PAOX: variants seen among roughly 807,000 people sequenced by gnomAD.
PAOX encodes the protein polyamine oxidase.
In PAOX, 38 loss-of-function variants were observed where a neutral mutation model predicts 39.0. That is an observed-to-expected ratio of 0.97 (90% CI 0.75 to 1.28). PAOX has a LOEUF of 1.28. PAOX is among the 50% of genes most tolerant of loss of function. PAOX has a pLI of 0.00. For synonymous variants in PAOX, 311 were observed against 314.4 expected, an observed-to-expected ratio of 0.99 and a Z score of 0.11; for missense variants, 667 against 685.7, an observed-to-expected ratio of 0.97 and a Z score of 0.30.
In PAOX at chr10:133,391,658, C is replaced by T. The variant is rs149449862; in HGVS notation, c.*203C>T. The T allele has an allele frequency of 2.7e-4, 208 of 777,470 alleles. No individual in the cohort carries two copies. The African/African-American group carries it at 3.0e-3, about 11-fold the overall frequency. The allele number at this position is 777,470 out of a possible 1,614,324, so 48.2% of individuals were successfully genotyped here. ...CTTGAGCTGAGACACCAGATGCTCA[C>T]GGAGATGCTGGACACATAAAGCAAG... is the stretch of plus-strand genomic sequence containing the variant. On this transcript the variant is annotated 3_prime_UTR_variant, in exon 7 of 7. Coordinates refer to ENST00000278060, the MANE Select transcript of PAOX (RefSeq NM_152911.4).
Position 133,389,585 on chromosome 10 carries a change from C to T in PAOX, c.1235-5C>T, listed in dbSNP as rs1158507304. ...CGGTTAACATGCAGTGTCTCTGTGGCTCAGGAAACCCACGGCTCCCCGCGC... is the reference window on the plus strand; with the variant it reads ...CGGTTAACATGCAGTGTCTCTGTGGTTCAGGAAACCCACGGCTCCCCGCGC... On this transcript the variant is annotated splice_region_variant and splice_polypyrimidine_tract_variant and intron_variant, in intron 5 of 6. Coordinates refer to ENST00000278060, the MANE Select transcript of PAOX (RefSeq NM_152911.4). The T allele has an allele frequency of 1.2e-6, 2 of 1,613,804 alleles. No homozygotes were observed. Among genetic ancestry groups the T allele is most frequent in the Non-Finnish European group, 1.7e-6 (2 of 1,180,020 alleles).
At chr10:133,381,911 T>A (rs1849395958) in intron 3 of PAOX, among the ~76,000 whole-genome samples, 1 of 152,178 alleles carries the variant, frequency 6.6e-6, no homozygotes, top group Non-Finnish European at 1.5e-5. Context: ...CGTTTAGGGT[T>A]GCGACGGCCT....
chr10:133,385,578 T>C (rs1007525196), intron 4 of PAOX, among the ~76,000 whole-genome samples: 4 of 152,170 alleles, frequency 2.6e-5, no homozygotes, highest in Non-Finnish European at 5.9e-5. Context: ...TACCCCATGA[T>C]AAATAAAATA....
rs560605800 is a variant in PAOX at position 133,382,475 on chromosome 10, C to T, written c.868+816C>T. Among the ~76,000 whole-genome samples the T allele has an allele frequency of 6.4e-4, 97 of 152,290 alleles. No individual in the cohort carries two copies. The Middle Eastern group carries it at 0.014, about 21-fold the overall frequency. ...TGCTGTTTCCCAGAGATGCAGTCGT[C>T]GTCCACACATGAACATCTGCTGCTG... On this transcript the variant is annotated intron_variant, in intron 3 of 6. Transcript: ENST00000278060.
Position 133,384,269 on chromosome 10 carries a change from T to A in PAOX, c.1121+57T>A. The A allele has an allele frequency of 6.3e-7, 1 of 1,591,620 alleles. No homozygotes were observed. The highest frequency in any genetic ancestry group is 8.6e-7 in the Non-Finnish European group (1 of 1,167,220). ...GGCTGGCTCATAGGCCTTCATCTGA[T>A]GGAGGACGCAGCAGTGTGTCTGTTC... On this transcript the variant is annotated intron_variant, in intron 4 of 6. Transcript: ENST00000278060. This position sits in a 1 kb window ranked among gnomAD's most constrained non-coding sequence, Gnocchi z 4.3.
intron 2 of PAOX, among the ~76,000 whole-genome samples, chr10:133,380,962 A>T (rs1849351728): frequency 6.6e-6 from 1 of 152,248 alleles, no homozygotes; most frequent in Non-Finnish European, 1.5e-5. Flanking sequence ...TGGGCGACAG[A>T]GTGAGACTCC....
intron 1 of PAOX, 178 bp from the exon 2 acceptor site, chr10:133,379,821 C>T: frequency 1.3e-6 from 1 of 780,366 alleles, no homozygotes; most frequent in Non-Finnish European, 1.9e-6. Context: ...CCCTCCTGCC[C>T]AGGTGCTCCC....
At chr10:133,383,332 G>A (rs915042618) in intron 3 of PAOX, among the ~76,000 whole-genome samples, 1 of 152,180 alleles carries the variant, frequency 6.6e-6, no homozygotes, top group Non-Finnish European at 1.5e-5. Context: ...GCCAGGCACG[G>A]TGGCTCACGC....
chr10:133,379,355 A>AC lies in PAOX; in HGVS notation c.43dup (p.Arg15ProfsTer64). The stretch of plus-strand genomic sequence containing the variant: ...GCAGCGTCGGGGAGGCCCCGGGCGG[A>AC]CCCCGGGTGCTGGTGGTGGGCGGCG... On this transcript the variant is annotated frameshift_variant, in exon 1 of 7. Transcript: ENST00000278060. LOFTEE classifies it high-confidence loss of function. 1.6e-6 allele frequency: 2 copies of AC among 1,217,986 alleles called. No individual in the cohort carries two copies. The highest frequency in any genetic ancestry group is 2.0e-6 in the Non-Finnish European group (2 of 979,630). The allele number at this position is 1,217,986 out of a possible 1,614,324, so 75.4% of individuals were successfully genotyped here.
Position 133,389,631 on chromosome 10 carries a change from C to T in PAOX, c.1276C>T (p.Arg426Cys), listed in dbSNP as rs147810590. 112 of 1,613,624 alleles carry T rather than the reference C, an allele frequency of 6.9e-5. No individual in the cohort carries two copies. In the African/African-American group the frequency reaches 9.9e-4, roughly 14 times the overall value. Residue 426 changes from arginine (R) to cysteine (C), a missense_variant, in exon 6 of 7, where the codon CGC becomes TGC. Transcript: ENST00000278060. ...LPAPKSVLRS[R>C]WHSAPYTRGS... ...CGCGCCCAAGAGCGTCCTGCGGTCT[C>T]GCTGGCACAGCGCCCCGTACACTAG...
In PAOX at chr10:133,389,798, C is replaced by A. The variant is rs776425257; in HGVS notation, c.1392+51C>A. 2.8e-6 allele frequency: 4 copies of A among 1,408,360 alleles called. No homozygotes were observed. The South Asian group carries it at 6.1e-5, about 22-fold the overall frequency. The allele number at this position is 1,408,360 out of a possible 1,614,324, so 87.2% of individuals were successfully genotyped here. A position where few individuals can be genotyped will look rare whatever the true frequency, so the allele number is the denominator to read the frequency against. ...GCGTGGGTCCCGCTGCAGAGGCCCCCGCCGAGTCTGGGCGCTGCAGGAGCA... is the reference window on the plus strand; with the variant it reads ...GCGTGGGTCCCGCTGCAGAGGCCCCAGCCGAGTCTGGGCGCTGCAGGAGCA... On this transcript the variant is annotated intron_variant, in intron 6 of 6. Coordinates refer to ENST00000278060, the MANE Select transcript of PAOX (RefSeq NM_152911.4).
intron 4 of PAOX, among the ~76,000 whole-genome samples, chr10:133,387,681 C>T (rs143339042): frequency 4.6e-5 from 7 of 152,356 alleles, no homozygotes; most frequent in East Asian, 1.9e-4. Context: ...GTGCACCACG[C>T]GCAGCAGGAG....
Position 133,384,062 on chromosome 10 carries a change from TC to T in PAOX, c.973del (p.Leu325TrpfsTer14). 6.2e-7 allele frequency: 1 copy of T among 1,614,130 alleles called. No homozygotes were observed. The highest frequency in any genetic ancestry group is 8.5e-7 in the Non-Finnish European group (1 of 1,180,002). On this transcript the variant is annotated frameshift_variant, in exon 4 of 7. Transcript: ENST00000278060. LOFTEE classifies it high-confidence loss of function. The surrounding 1 kb of genome is among the most constrained non-coding windows in gnomAD (Gnocchi z 4.3). ...GGCTTTGGGACCAACAACAAAATCTTCCTGGAGTTTGAGGAGCCCTTCTGGG... is the reference window on the plus strand; with the variant it reads ...GGCTTTGGGACCAACAACAAAATCTTCTGGAGTTTGAGGAGCCCTTCTGGG... The part of the protein sequence containing the change: ...KIGFGTNNKI[F>X]LEFEEPFWEP...
At chr10:133,385,360 G>C (rs927108094) in intron 4 of PAOX, among the ~76,000 whole-genome samples, 28 of 151,972 alleles carry the variant, frequency 1.8e-4, no homozygotes, top group African/African-American at 6.3e-4. Context: ...CTGGTGGGCA[G>C]CCGGGTGGGT....
At chr10:133,387,001 G>A (rs1012425891) in intron 4 of PAOX, among the ~76,000 whole-genome samples, 17 of 152,198 alleles carry the variant, frequency 1.1e-4, no homozygotes, top group Non-Finnish European at 2.1e-4. Context: ...ATACTAGGCT[G>A]GGCTTGGTGG....
intron 3 of PAOX, among the ~76,000 whole-genome samples, chr10:133,383,382 C>G (rs921837593): frequency 1.3e-5 from 2 of 151,158 alleles, no homozygotes; most frequent in South Asian, 4.2e-4. Flanking sequence ...GCAGGTAGAT[C>G]ACCTGAGGTC....
rs966284891 is a variant in PAOX at position 133,391,215 on chromosome 10, T to C, written c.1393-97T>C. ...GGAGGTGTGTGAGCTGTTTTCCTGCTTCTTGGTGGATGCTTGTGAGCCATT... is the reference window on the plus strand; with the variant it reads ...GGAGGTGTGTGAGCTGTTTTCCTGCCTCTTGGTGGATGCTTGTGAGCCATT... On this transcript the variant is annotated intron_variant, in intron 6 of 6. Transcript: ENST00000278060. 134 of 1,275,236 alleles carry C rather than the reference T, an allele frequency of 1.1e-4. 3 individuals carry two copies. In the South Asian group the frequency reaches 1.6e-3, roughly 15 times the overall value. 79.0% of individuals were successfully genotyped at this position (1,275,236 alleles called of 1,614,324 possible).
chr10:133,391,326 T>G lies in PAOX; in HGVS notation c.1407T>G (p.Phe469Leu), dbSNP rs1214299078. Residue 469 changes from phenylalanine (F) to leucine (L), a missense_variant, in exon 7 of 7, where the codon TTT becomes TTG. By Grantham distance (22) the Phe-to-Leu change is conservative. Coordinates refer to ENST00000278060, the MANE Select transcript of PAOX (RefSeq NM_152911.4). ...CTTCTTTGCAGCTCCAGATCCTGTT[T>G]GCGGGGGAAGCCACACATCGCACGT... is the stretch of plus-strand genomic sequence containing the variant. ...DGAGAQLQILFAGEATHRTFY... is the reference protein window; with the variant it reads ...DGAGAQLQILLAGEATHRTFY... The G allele has an allele frequency of 3.7e-6, 6 of 1,613,500 alleles. No individual in the cohort carries two copies. The South Asian group carries it at 5.5e-5, about 15-fold the overall frequency.
intron 6 of PAOX, 95 bp downstream of exon 6, chr10:133,389,842 G>C (rs1371900859): frequency 7.7e-7 from 1 of 1,296,598 alleles, no homozygotes; most frequent in Non-Finnish European, 9.9e-7. Context: ...TGGCGGGTGG[G>C]CTGGGATCCC....
Sources: allele counts gnomAD v4.1 joint callset (sites outside exome capture counted in the v4.1 genomes callset), GRCh38; gene constraint gnomAD v4.1.1; non-coding constraint Gnocchi (gnomAD v3.1); transcripts MANE v1.5; gene names NCBI Gene and HGNC (gene_info 2026-07-23, HGNC 2026-07-21).